Variants in MGAT5 observed in about 807,000 individuals in gnomAD.
MGAT5 encodes alpha-1,6-mannosylglycoprotein 6-beta-N-acetylglucosaminyltransferase A.
In MGAT5, 30 loss-of-function variants were observed where a neutral mutation model predicts 94.3. The observed-to-expected ratio is 0.32, with a 90% CI of 0.24 to 0.43. MGAT5 has a LOEUF of 0.43. MGAT5 is among the 20% of genes least tolerant of loss of function. The pLI is 1.00. For missense variants in MGAT5, 691 were observed against 905.5 expected (o/e 0.76, Z 3.04); for synonymous variants, 310 against 322.9 (o/e 0.96, Z 0.43).
intron 10 of MGAT5, among the ~76,000 whole-genome samples, chr2:134,375,614 T>C (rs899056679): frequency 6.6e-6 from 1 of 152,232 alleles, no homozygotes; most frequent in African/African-American, 2.4e-5. Context: ...TATCAGGACT[T>C]CAAAAGATAT....
intron 1 of MGAT5, among the ~76,000 whole-genome samples, chr2:134,234,703 A>G (rs1235266070): frequency 6.6e-6 from 1 of 152,238 alleles, no homozygotes; most frequent in Non-Finnish European, 1.5e-5. Flanking sequence ...GTGGTGAATG[A>G]GGGCTGGAAG....
intron 6 of MGAT5, 62 bp from the exon 7 acceptor site, chr2:134,341,528 G>A (rs941284382): frequency 5.3e-5 from 71 of 1,349,698 alleles, no homozygotes; most frequent in Non-Finnish European, 6.4e-5. Flanking sequence ...ATTTCTTGGC[G>A]CATTACTGTG....
chr2:134,340,814 A>G (rs1353732607), intron 6 of MGAT5, among the ~76,000 whole-genome samples: 1 of 152,198 alleles, frequency 6.6e-6, no homozygotes, highest in East Asian at 1.9e-4. Flanking sequence ...CCCAAGACAG[A>G]GACACCTGTA....
intron 2 of MGAT5, among the ~76,000 whole-genome samples, chr2:134,308,887 T>G (rs547108155): frequency 4.6e-5 from 7 of 152,238 alleles, no homozygotes; most frequent in African/African-American, 1.7e-4. Flanking sequence ...ATGAAAATAA[T>G]TAGTTCGATG....
intron 1 of MGAT5, among the ~76,000 whole-genome samples, chr2:134,178,059 A>G (rs1318857488): frequency 6.6e-6 from 1 of 152,188 alleles, no homozygotes; most frequent in Admixed American, 6.5e-5. Flanking sequence ...GTGGTGAATT[A>G]AAGACAAAAC....
At chr2:134,193,681 G>A (rs1216301383) in intron 1 of MGAT5, among the ~76,000 whole-genome samples, 1 of 96,608 alleles carries the variant, frequency 1.0e-5, no homozygotes, top group African/African-American at 6.3e-5. Context: ...ATCTTTGTGT[G>A]TGTGTGTGTG....
intron 1 of MGAT5, among the ~76,000 whole-genome samples, chr2:134,232,599 TC>T (rs1215934505): frequency 1.3e-5 from 2 of 152,142 alleles, no homozygotes; most frequent in Non-Finnish European, 2.9e-5. Flanking sequence ...GACCCATCCT[TC>T]CCCAGATTTC....
At chr2:134,314,410 T>C (rs985528267) in intron 2 of MGAT5, among the ~76,000 whole-genome samples, 6 of 152,198 alleles carry the variant, frequency 3.9e-5, no homozygotes, top group African/African-American at 1.4e-4. Context: ...TAGTTCTCCC[T>C]GAGCCCAGGA....
In MGAT5 at chr2:134,404,933, C is replaced by A. The variant is rs539542457; in HGVS notation, c.1530+1796C>A. On this transcript the variant is annotated intron_variant, in intron 11 of 15. Transcript: ENST00000281923. ...CCTTTAATGGCAGTGCTGTTTTTGC[C>A]ATTTGCCTCATTTTACTTTTCTCCA... Among the ~76,000 whole-genome samples, 17 of 152,270 alleles carry A rather than the reference C, an allele frequency of 1.1e-4. No homozygotes were observed. In the South Asian group the frequency reaches 3.5e-3, roughly 32 times the overall value.
At chr2:134,337,281 C>G (rs1688388146) in intron 5 of MGAT5, among the ~76,000 whole-genome samples, 1 of 152,146 alleles carries the variant, frequency 6.6e-6, no homozygotes, top group African/African-American at 2.4e-5. Context: ...TTGAGACCAG[C>G]CTGGGCAATA....
chr2:134,443,142 G>A (rs1285043817), intron 15 of MGAT5, among the ~76,000 whole-genome samples: 2 of 151,910 alleles, frequency 1.3e-5, no homozygotes, highest in African/African-American at 4.8e-5. Context: ...CCTGCCTGCT[G>A]CAGGGAAGCT....
At chr2:134,189,605 T>TTGTTTTTTTTTTTTTG (rs761974546) in intron 1 of MGAT5, among the ~76,000 whole-genome samples, 9 of 106,620 alleles carry the variant, frequency 8.4e-5, no homozygotes, top group African/African-American at 2.6e-4. Flanking sequence ...TTTTTTTGTT[T>TTGTTTTTTTTTTTTTG]TTTTTTTTTT....
chr2:134,338,208 T>C lies in MGAT5; in HGVS notation c.646-51T>C, dbSNP rs773853438. The C allele has an allele frequency of 3.4e-6, 5 of 1,462,110 alleles. No individual in the cohort carries two copies. In the African/African-American group the frequency reaches 4.3e-5, roughly 13 times the overall value. 90.6% of individuals were successfully genotyped at this position (1,462,110 alleles called of 1,614,324 possible). ...AGATGTCACATCATGAAAACTATTA[T>C]GCTTTCTGACTTTTTATCTTCTATT... On this transcript the variant is annotated intron_variant, in intron 5 of 15. Transcript: ENST00000281923.
At position 134,333,618 on chromosome 2, in the gene MGAT5, G is replaced by A. The variant is rs555688688; in HGVS notation, c.574-2599G>A. 7.0e-4 allele frequency among the ~76,000 whole-genome samples: 107 copies of A among 152,042 alleles called. 1 individual carries two copies. The highest frequency in any genetic ancestry group is 2.6e-3 in the Admixed American group (40 of 15,258). On this transcript the variant is annotated intron_variant, in intron 4 of 15. Transcript: ENST00000281923. ...AAATAAAAAAAAAGAAGGTGGTGGGGCTCACCTTGGGGTCCAGCTTTATTG... is the reference window on the plus strand; with the variant it reads ...AAATAAAAAAAAAGAAGGTGGTGGGACTCACCTTGGGGTCCAGCTTTATTG...
intron 10 of MGAT5, among the ~76,000 whole-genome samples, chr2:134,390,058 T>A (rs1682304259): frequency 6.6e-6 from 1 of 152,196 alleles, no homozygotes; most frequent in East Asian, 1.9e-4. Context: ...TTCAGTTTGT[T>A]TTTGATTGTT....
chr2:134,381,536 C>CAGACAGATAGATAGAT (rs59821586), intron 10 of MGAT5, among the ~76,000 whole-genome samples: 43,387 of 146,832 alleles, frequency 0.3, 8,309 homozygotes, highest in Non-Finnish European at 0.41. Flanking sequence ...GACAGACAGA[C>CAGACAGATAGATAGAT]AGATAGATAG....
intron 8 of MGAT5, among the ~76,000 whole-genome samples, chr2:134,346,889 C>T (rs537525361): frequency 6.6e-6 from 1 of 152,196 alleles, no homozygotes; most frequent in African/African-American, 2.4e-5. Flanking sequence ...TTATGTCAAA[C>T]ACCAGATTAG....
chr2:134,341,254 TG>T (rs1469883519), intron 6 of MGAT5, among the ~76,000 whole-genome samples: 19 of 146,774 alleles, frequency 1.3e-4, no homozygotes, highest in African/African-American at 5.0e-4. Context: ...GTATTTTAGC[TG>T]TAGATAAAAG....
At chr2:134,318,780 G>A in intron 4 of MGAT5, 41 bp downstream of exon 4, 1 of 1,399,540 alleles carries the variant, frequency 7.1e-7, no homozygotes, top group Non-Finnish European at 1.0e-6. Flanking sequence ...GATGTGACTG[G>A]TTGGACTGTT....
Sources: gnomAD v4.1 joint callset for allele counts (sites outside exome capture counted in the v4.1 genomes callset) on GRCh38, gnomAD v4.1.1 for gene constraint, MANE v1.5 for transcripts, NCBI Gene and HGNC (gene_info 2026-07-23, HGNC 2026-07-21) for gene names.